GUCA2B: variants seen among roughly 807,000 people sequenced by gnomAD.
GUCA2B encodes the protein prepro-uroguanylin.
In GUCA2B, 7 loss-of-function variants were observed where a neutral mutation model predicts 11.1. The ratio of observed to expected loss-of-function variants is 0.63; its 90% CI spans 0.36 to 1.18. GUCA2B has a LOEUF of 1.18. Ranked by LOEUF, GUCA2B falls within the 50% of genes most tolerant of loss-of-function variation. The pLI is 0.02. For missense variants in GUCA2B, 140 were observed against 142.5 expected (o/e 0.98, Z 0.09); for synonymous variants, 69 against 65.3 (o/e 1.06, Z -0.27).
chr1:42,153,860 C>A (rs1350737774), intron 1 of GUCA2B, among the ~76,000 whole-genome samples: 1 of 152,120 alleles, frequency 6.6e-6, no homozygotes, highest in East Asian at 1.9e-4. Context: ...AAGGAGACAC[C>A]CTGTTATGCT....
chr1:42,154,594 G>A, intron 1 of GUCA2B, 86 bp from the exon 2 acceptor site: 1 of 1,111,786 alleles, frequency 9.0e-7, no homozygotes, highest in South Asian at 1.3e-5. Flanking sequence ...AGGATCTGCA[G>A]GGTTTGAGCA....
Position 42,153,447 on chromosome 1 carries a change from C to A in GUCA2B, c.-4C>A. On this transcript the variant is annotated 5_prime_UTR_variant, in exon 1 of 3. Transcript: ENST00000372581. ...ACAGCGGCAGGGGGAACCCAGGGAGCGCGATGGGCTGCAGGGCTGCATCAG... is the reference window on the plus strand; with the variant it reads ...ACAGCGGCAGGGGGAACCCAGGGAGAGCGATGGGCTGCAGGGCTGCATCAG... 1 of 1,605,868 alleles carries A rather than the reference C, an allele frequency of 6.2e-7. No homozygotes were observed. The highest frequency in any genetic ancestry group is 8.5e-7 in the Non-Finnish European group (1 of 1,175,276).
intron 2 of GUCA2B, 150 bp downstream of exon 2, chr1:42,155,016 C>T (rs963022118): frequency 4.3e-5 from 28 of 655,164 alleles, no homozygotes; most frequent in Admixed American, 1.8e-4. Flanking sequence ...CAGGACTCCC[C>T]GGTTTGGGCA....
intron 2 of GUCA2B, among the ~76,000 whole-genome samples, chr1:42,155,249 G>A (rs1646103894): frequency 6.6e-6 from 1 of 152,206 alleles, no homozygotes; most frequent in South Asian, 2.1e-4. Flanking sequence ...AGCACTTACT[G>A]AGCACCTACT....
In GUCA2B at chr1:42,154,883, C is replaced by CCTGCAGAACCTCGCTCT. The variant is rs776191228; in HGVS notation, c.277+18_277+34dup. ...AGACCCTGAGTAAGTGCCCCCGCTC[C>CCTGCAGAACCTCGCTCT]CTGCAGAACCTCGCTCTGTCTCCTC... On this transcript the variant is annotated intron_variant, in intron 2 of 2. Transcript: ENST00000372581. 5.7e-5 allele frequency: 90 copies of CCTGCAGAACCTCGCTCT among 1,587,126 alleles called. No homozygotes were observed. Among genetic ancestry groups the CCTGCAGAACCTCGCTCT allele is most frequent in the Admixed American group, 8.5e-5 (5 of 58,524 alleles).
At chr1:42,155,199 G>A (rs1646103676) in intron 2 of GUCA2B, among the ~76,000 whole-genome samples, 1 of 152,226 alleles carries the variant, frequency 6.6e-6, no homozygotes, top group South Asian at 2.1e-4. Flanking sequence ...GAAACCTGAG[G>A]GATCGTGCAG....
intron 1 of GUCA2B, 121 bp from the exon 2 acceptor site, chr1:42,154,558 TC>T (rs1646099258): frequency 1.3e-6 from 1 of 790,222 alleles, no homozygotes; most frequent in Admixed American, 1.9e-5. Context: ...GCCCTGGACT[TC>T]CCATAGAGAC....
chr1:42,154,136 G>A (rs553950725), intron 1 of GUCA2B, among the ~76,000 whole-genome samples: 152 of 152,318 alleles, frequency 1.0e-3, no homozygotes, highest in Non-Finnish European at 1.7e-3. Flanking sequence ...CACAGGGGAT[G>A]CTGCTGGCCT....
chr1:42,154,076 G>A (rs1257784607), intron 1 of GUCA2B, among the ~76,000 whole-genome samples: 1 of 152,220 alleles, frequency 6.6e-6, no homozygotes, highest in Admixed American at 6.5e-5. Context: ...CCCTTCCAGG[G>A]GGCATGGGAG....
At chr1:42,154,998 C>A in intron 2 of GUCA2B, 132 bp downstream of exon 2, 1 of 713,158 alleles carries the variant, frequency 1.4e-6, no homozygotes. Context: ...CCCTGTCCCA[C>A]TGGCTCCCAG....
chr1:42,154,527 G>C (rs941338640), intron 1 of GUCA2B, among the ~76,000 whole-genome samples, 153 bp from the exon 2 acceptor site: 1 of 152,152 alleles, frequency 6.6e-6, no homozygotes, highest in Admixed American at 6.5e-5. Flanking sequence ...ACCTCTCACC[G>C]CAGCGGCTCT....
At position 42,154,880 on chromosome 1, in the gene GUCA2B, C is replaced by A; in HGVS notation, c.277+14C>A. Reference sequence around the variant, plus strand: ...TCAAGACCCTGAGTAAGTGCCCCCGCTCCCTGCAGAACCTCGCTCTGTCTC... The same window carrying A: ...TCAAGACCCTGAGTAAGTGCCCCCGATCCCTGCAGAACCTCGCTCTGTCTC... On this transcript the variant is annotated intron_variant, in intron 2 of 2. Transcript: ENST00000372581. The A allele has an allele frequency of 6.3e-7, 1 of 1,597,968 alleles. No homozygotes were observed. Among genetic ancestry groups the A allele is most frequent in the Non-Finnish European group, 8.6e-7 (1 of 1,168,998 alleles).
chr1:42,154,994 C>T, intron 2 of GUCA2B, 128 bp downstream of exon 2: 1 of 710,270 alleles, frequency 1.4e-6, no homozygotes, highest in East Asian at 2.7e-5. Flanking sequence ...CAGGCCCTGT[C>T]CCACTGGCTC....
At chr1:42,153,562 C>T (rs1342434332) in intron 1 of GUCA2B, 22 bp downstream of exon 1, 1 of 1,552,750 alleles carries the variant, frequency 6.4e-7, no homozygotes, top group South Asian at 1.1e-5. Flanking sequence ...GGCCAGCGTT[C>T]CCTTTGCCTG....
chr1:42,153,650 G>C, intron 1 of GUCA2B, 110 bp downstream of exon 1: 1 of 773,096 alleles, frequency 1.3e-6, no homozygotes, highest in Non-Finnish European at 2.1e-6. Context: ...CACGGGGCCC[G>C]GGGCTCAGCC....
rs554780462 is a variant in GUCA2B, at chr1:42,155,763, A to G, written c.*167A>G. ...GATCTGGTACAAAGCAATCGGACATAGAGTTGGAGGGGGAGGCCCCTGAGG... is the reference window on the plus strand; with the variant it reads ...GATCTGGTACAAAGCAATCGGACATGGAGTTGGAGGGGGAGGCCCCTGAGG... On this transcript the variant is annotated 3_prime_UTR_variant, in exon 3 of 3. Transcript: ENST00000372581. The G allele has an allele frequency of 1.8e-4, 117 of 663,348 alleles. No individual in the cohort carries two copies. The highest frequency in any genetic ancestry group is 8.0e-4 in the Admixed American group (37 of 46,156). 41.1% of individuals were successfully genotyped at this position (663,348 alleles called of 1,614,324 possible). A position where few individuals can be genotyped will look rare whatever the true frequency, so the allele number is the denominator to read the frequency against.
intron 2 of GUCA2B, among the ~76,000 whole-genome samples, chr1:42,155,140 G>A (rs1015330405): frequency 6.6e-6 from 1 of 152,192 alleles, no homozygotes; most frequent in African/African-American, 2.4e-5. Context: ...TGACATCTGC[G>A]ATGGGACAGG....
At chr1:42,154,985 A>G in intron 2 of GUCA2B, 119 bp downstream of exon 2, 1 of 773,200 alleles carries the variant, frequency 1.3e-6, no homozygotes, top group Non-Finnish European at 2.1e-6. Flanking sequence ...CAAGTAACTC[A>G]GGCCCTGTCC....
chr1:42,154,143 G>A (rs1646097119), intron 1 of GUCA2B, among the ~76,000 whole-genome samples: 1 of 152,166 alleles, frequency 6.6e-6, no homozygotes, highest in Non-Finnish European at 1.5e-5. Flanking sequence ...GATGCTGCTG[G>A]CCTCGCCCAG....
Sources: gnomAD v4.1 joint callset for allele counts (sites outside exome capture counted in the v4.1 genomes callset) on GRCh38, gnomAD v4.1.1 for gene constraint, MANE v1.5 for transcripts, NCBI Gene and HGNC (gene_info 2026-07-23, HGNC 2026-07-21) for gene names.